Variants in AKAP12 observed in about 807,000 individuals in gnomAD.
AKAP12 encodes the protein A-kinase anchoring protein 12, also known as A-kinase anchor protein 12.
A neutral mutation model predicts 79.9 loss-of-function variants in AKAP12; 32 were observed. That is an observed-to-expected ratio of 0.40 (90% confidence interval 0.30 to 0.54). The LOEUF (loss-of-function observed/expected upper bound fraction) is 0.54. Ranked by LOEUF, AKAP12 falls within the 20% of genes least tolerant of loss-of-function variation. AKAP12 has a pLI of 0.48. For missense variants in AKAP12, 2,074 were observed against 2,177.0 expected (o/e 0.95, Z 0.94); for synonymous variants, 808 against 857.0 (o/e 0.94, Z 1.00).
At chr6:151,323,988 T>TTATCCATGA (rs1777462092) in intron 3 of AKAP12, 1 of 985,386 alleles carries the variant, frequency 1.0e-6, no homozygotes, top group East Asian at 1.1e-4. Flanking sequence ...CAAGTCGTCT[T>TTATCCATGA]TATCCATGAT....
intron 3 of AKAP12, among the ~76,000 whole-genome samples, chr6:151,339,412 T>C (rs1582892534): frequency 6.6e-6 from 1 of 152,236 alleles, no homozygotes; most frequent in East Asian, 1.9e-4. Flanking sequence ...TATGACCGTT[T>C]TTAAAAAGAC....
intron 2 of AKAP12, among the ~76,000 whole-genome samples, chr6:151,262,615 A>C (rs1797460446): frequency 8.9e-6 from 1 of 112,414 alleles, no homozygotes; most frequent in African/African-American, 3.6e-5. Flanking sequence ...GAAGTTCAAA[A>C]ACTTCAAGTT....
intron 2 of AKAP12, among the ~76,000 whole-genome samples, chr6:151,269,238 A>T (rs530940900): frequency 7.9e-5 from 12 of 152,104 alleles, no homozygotes; most frequent in Admixed American, 7.2e-4. Context: ...CCATTCAAGG[A>T]TGGATGATAA....
chr6:151,289,274 A>G (rs569742008), intron 2 of AKAP12, among the ~76,000 whole-genome samples: 2 of 152,264 alleles, frequency 1.3e-5, no homozygotes, highest in African/African-American at 4.8e-5. Context: ...CTCCACCCCT[A>G]ATGTTGAGAG....
intron 2 of AKAP12, among the ~76,000 whole-genome samples, chr6:151,270,787 TC>T (rs1292318963): frequency 6.6e-6 from 1 of 152,088 alleles, no homozygotes; most frequent in Admixed American, 6.6e-5. Flanking sequence ...ATTGTGTGGA[TC>T]CCTTTTGCTT....
chr6:151,297,036 T>TTG (rs1448502413), intron 2 of AKAP12, among the ~76,000 whole-genome samples: 2 of 135,228 alleles, frequency 1.5e-5, no homozygotes, highest in Non-Finnish European at 3.4e-5. Flanking sequence ...TTTTTTTTTT[T>TTG]GCCAGTCTGG....
chr6:151,321,998 C>T (rs116519633), intron 3 of AKAP12, among the ~76,000 whole-genome samples: 6,701 of 151,180 alleles, frequency 0.044, 498 homozygotes, highest in African/African-American at 0.15. Context: ...AACCTCCACC[C>T]CTCTGGGTTC....
intron 2 of AKAP12, among the ~76,000 whole-genome samples, chr6:151,276,265 T>A (rs1052043397): frequency 4.6e-5 from 7 of 152,222 alleles, no homozygotes; most frequent in Non-Finnish European, 8.8e-5. Context: ...GCTAAAATTG[T>A]GTAAAAGTTC....
intron 2 of AKAP12, among the ~76,000 whole-genome samples, chr6:151,297,194 G>A (rs1776752214): frequency 6.7e-6 from 1 of 148,912 alleles, no homozygotes; most frequent in Non-Finnish European, 1.5e-5. Context: ...AACTCTGGGT[G>A]TATGTGTATG....
At position 151,266,556 on chromosome 6, in the gene AKAP12, A is replaced by G. The variant is rs534582054; in HGVS notation, c.162+25832A>G. ...CCTGTGCATTTTAGAAGATCGAATT[A>G]TAAAGCAATTTGGCAACATGTCTCA... On this transcript the variant is annotated intron_variant, in intron 2 of 4. Coordinates refer to ENST00000402676, the MANE Select transcript of AKAP12 (RefSeq NM_005100.4). 7.2e-5 allele frequency among the ~76,000 whole-genome samples: 11 copies of G among 152,332 alleles called. No homozygotes were observed. In the South Asian group the frequency reaches 8.3e-4, roughly 11 times the overall value.
Position 151,309,365 on chromosome 6 carries a change from C to T in AKAP12, c.319+3462C>T, listed in dbSNP as rs78197059. Among the ~76,000 whole-genome samples the T allele has an allele frequency of 9.0e-3, 1,365 of 152,260 alleles. 23 individuals carry two copies. The highest frequency in any genetic ancestry group is 0.031 in the African/African-American group (1,301 of 41,532). On this transcript the variant is annotated intron_variant, in intron 3 of 4. Coordinates refer to ENST00000402676, the MANE Select transcript of AKAP12 (RefSeq NM_005100.4). The stretch of plus-strand genomic sequence containing the variant: ...TTTGGTCCCTGGGAGGACTGGCCCA[C>T]AGTGGAATTTGGTCCTGCTGTAGAT...
chr6:151,357,189 TTTG>T lies in AKAP12; in HGVS notation c.*1478_*1480del, dbSNP rs1778463889. On this transcript the variant is annotated 3_prime_UTR_variant, in exon 5 of 5. Coordinates refer to ENST00000402676, the MANE Select transcript of AKAP12 (RefSeq NM_005100.4). Reference sequence around the variant, plus strand: ...CATTGAGGGTTTGTTTTTTTGTTTGTTTGTTTGTTTGTTTTTGAGACAGAGTTT... The same window carrying T: ...CATTGAGGGTTTGTTTTTTTGTTTGTTTTGTTTGTTTTTGAGACAGAGTTT... 6.5e-6 allele frequency: 1 copy of T among 154,256 alleles called. No individual in the cohort carries two copies. The highest frequency in any genetic ancestry group is 1.4e-5 in the Non-Finnish European group (1 of 69,668). The allele number at this position is 154,256 out of a possible 1,614,324, so 9.6% of individuals were successfully genotyped here. A position where few individuals can be genotyped will look rare whatever the true frequency, so the allele number is the denominator to read the frequency against.
chr6:151,275,182 T>G (rs961335684), intron 2 of AKAP12, among the ~76,000 whole-genome samples: 5 of 152,160 alleles, frequency 3.3e-5, no homozygotes, highest in African/African-American at 4.8e-5. Context: ...TGACACTGGT[T>G]GTACTCCCCA....
Position 151,349,576 on chromosome 6 carries a change from A to C in AKAP12, c.1185A>C (p.Lys395Asn). 4 of 1,611,000 alleles carry C rather than the reference A, an allele frequency of 2.5e-6. No homozygotes were observed. The highest frequency in any genetic ancestry group is 3.4e-6 in the Non-Finnish European group (4 of 1,179,174). The stretch of plus-strand genomic sequence containing the variant: ...GCTCGCAGGGACCTTCTGAAGAGAA[A>C]CCTGCTCCGTTGGCGACAGAAGTGT... The part of the protein sequence containing the change: ...VSGSQGPSEE[K>N]PAPLATEVFD... The change falls in exon 4 of 5, where the codon AAA (lysine) becomes AAC (asparagine). Residue 395 changes from lysine (K) to asparagine (N), a missense_variant. Transcript: ENST00000402676.
chr6:151,341,497 C>T (rs1777945531), intron 3 of AKAP12, among the ~76,000 whole-genome samples: 2 of 152,194 alleles, frequency 1.3e-5, no homozygotes, highest in East Asian at 3.9e-4. Flanking sequence ...CGGGGGTTTC[C>T]TGGGAGGTCG....
intron 2 of AKAP12, among the ~76,000 whole-genome samples, chr6:151,269,418 A>G (rs1400405767): frequency 2.0e-5 from 3 of 152,108 alleles, no homozygotes; most frequent in Admixed American, 2.0e-4. Flanking sequence ...TCTTTCTTTC[A>G]TAGAACTTGC....
intron 3 of AKAP12, among the ~76,000 whole-genome samples, chr6:151,343,635 T>C (rs1378030890): frequency 6.6e-6 from 1 of 151,976 alleles, no homozygotes; most frequent in African/African-American, 2.4e-5. Flanking sequence ...AATACAAAAA[T>C]TAGCCGAGCG....
intron 3 of AKAP12, among the ~76,000 whole-genome samples, chr6:151,328,752 A>G (rs1777598331): frequency 6.6e-6 from 1 of 152,144 alleles, no homozygotes; most frequent in Non-Finnish European, 1.5e-5. Context: ...TATCTTTAGT[A>G]CTATGTTATT....
chr6:151,320,369 C>T (rs1367192317), intron 3 of AKAP12, among the ~76,000 whole-genome samples: 2 of 151,998 alleles, frequency 1.3e-5, no homozygotes, highest in African/African-American at 2.4e-5. Flanking sequence ...ATCCTCCCAT[C>T]TCGGCCTCCC....
Sources: gnomAD v4.1 joint callset for allele counts (sites outside exome capture counted in the v4.1 genomes callset) on GRCh38, gnomAD v4.1.1 for gene constraint, MANE v1.5 for transcripts, NCBI Gene and HGNC (gene_info 2026-07-23, HGNC 2026-07-21) for gene names.